The following RYR2 variants were observed in gnomAD, a reference collection of about 807,000 sequenced individuals.
The protein encoded by RYR2 is ryanodine receptor 2.
RYR2 carries 227 observed loss-of-function variants against 601.1 expected under a neutral mutation model. The observed-to-expected ratio is 0.38, with a 90% confidence interval of 0.34 to 0.42. RYR2 has a LOEUF of 0.42. RYR2 is among the 10% of genes least tolerant of loss of function. RYR2 has a pLI of 1.00. For missense variants in RYR2, 4,646 were observed against 6,156.5 expected (o/e 0.75, Z 8.21); for synonymous variants, 2,223 against 2,175.1 (o/e 1.02, Z -0.61).
intron 56 of RYR2, among the ~76,000 whole-genome samples, chr1:237,662,642 A>G (rs926352777): frequency 6.6e-6 from 1 of 152,222 alleles, no homozygotes; most frequent in African/African-American, 2.4e-5. Context: ...TATATTTTAT[A>G]TCACTCCTCT....
At chr1:237,598,170 A>G (rs1676087358) in intron 34 of RYR2, among the ~76,000 whole-genome samples, 1 of 152,234 alleles carries the variant, frequency 6.6e-6, no homozygotes, top group African/African-American at 2.4e-5. Context: ...TATATGAAGT[A>G]TGTTTTATCT....
At chr1:237,611,987 C>G (rs1407113574) in intron 36 of RYR2, among the ~76,000 whole-genome samples, 2 of 151,888 alleles carry the variant, frequency 1.3e-5, no homozygotes, top group African/African-American at 4.8e-5. Flanking sequence ...TTCATAGAAG[C>G]ATTATGAACA....
chr1:237,060,607 C>G (rs1451178964), intron 1 of RYR2, among the ~76,000 whole-genome samples: 5 of 152,166 alleles, frequency 3.3e-5, no homozygotes, highest in Admixed American at 3.3e-4. Flanking sequence ...ACTCTATGGA[C>G]TTCTAGAAAA....
intron 49 of RYR2, among the ~76,000 whole-genome samples, chr1:237,648,816 A>G (rs1025655626): frequency 2.6e-5 from 4 of 152,230 alleles, no homozygotes; most frequent in Non-Finnish European, 4.4e-5. Flanking sequence ...GACAACCTCA[A>G]GAAACTTCCC....
At chr1:237,064,555 T>C (rs1484607462) in intron 1 of RYR2, among the ~76,000 whole-genome samples, 2 of 151,828 alleles carry the variant, frequency 1.3e-5, no homozygotes, top group African/African-American at 2.4e-5. Context: ...GATATAGAGG[T>C]TCTAGATGAT....
Position 237,714,641 on chromosome 1 carries a change from GAGAC to G in RYR2, c.10324-2553_10324-2550del, listed in dbSNP as rs574209602. ...TATTTGTATGTTTGTGGGTGTGTGAGAGACAGAGATAGAGAGGAGGCAGAAGCAG... is the reference window on the plus strand; with the variant it reads ...TATTTGTATGTTTGTGGGTGTGTGAGAGAGATAGAGAGGAGGCAGAAGCAG... On this transcript the variant is annotated intron_variant, in intron 71 of 104. Coordinates refer to ENST00000366574, the MANE Select transcript of RYR2 (RefSeq NM_001035.3). Among the ~76,000 whole-genome samples, 13 of 152,218 alleles carry G rather than the reference GAGAC, an allele frequency of 8.5e-5. No homozygotes were observed. The East Asian group carries it at 1.7e-3, about 20-fold the overall frequency.
chr1:237,788,899 G>A (rs938192306), intron 92 of RYR2, among the ~76,000 whole-genome samples: 6 of 151,860 alleles, frequency 4.0e-5, no homozygotes, highest in African/African-American at 7.3e-5. Context: ...AATGTCACAT[G>A]TATACACATA....
intron 4 of RYR2, among the ~76,000 whole-genome samples, chr1:237,357,333 A>T (rs1475494362): frequency 6.6e-6 from 1 of 152,028 alleles, no homozygotes; most frequent in Admixed American, 6.6e-5. Flanking sequence ...CACGTATGAC[A>T]CCTCTTTGTC....
At chr1:237,207,799 A>T (rs1014718174) in intron 1 of RYR2, among the ~76,000 whole-genome samples, 2 of 152,238 alleles carry the variant, frequency 1.3e-5, no homozygotes, top group African/African-American at 4.8e-5. Context: ...CCTGGCACAT[A>T]ACTGCAAAAC....
At chr1:237,122,987 A>G (rs1156974910) in intron 1 of RYR2, among the ~76,000 whole-genome samples, 1 of 152,236 alleles carries the variant, frequency 6.6e-6, no homozygotes, top group Non-Finnish European at 1.5e-5. Flanking sequence ...TTGAAGTTAT[A>G]TAGTTAGCAA....
chr1:237,603,800 C>T (rs1676786664), intron 35 of RYR2, among the ~76,000 whole-genome samples: 1 of 152,078 alleles, frequency 6.6e-6, no homozygotes, highest in Non-Finnish European at 1.5e-5. Context: ...GACTTTAAAC[C>T]AACAAAGATC....
intron 3 of RYR2, among the ~76,000 whole-genome samples, chr1:237,340,896 C>T (rs1351731107): frequency 6.6e-6 from 1 of 152,210 alleles, no homozygotes. Flanking sequence ...ATCCATCTGT[C>T]ACTTAGGTGA....
At chr1:237,132,713 A>G (rs1672292877) in intron 1 of RYR2, among the ~76,000 whole-genome samples, 2 of 152,202 alleles carry the variant, frequency 1.3e-5, no homozygotes, top group Non-Finnish European at 1.5e-5. Context: ...AGTATTTTTT[A>G]TCAGGAAAAA....
chr1:237,608,989 TTCTC>T (rs1024278682), intron 35 of RYR2, among the ~76,000 whole-genome samples: 22 of 151,390 alleles, frequency 1.5e-4, no homozygotes, highest in African/African-American at 5.1e-4. Flanking sequence ...CCTTTCTTCT[TTCTC>T]TCTTCTTCTC....
rs375241741 is a variant in RYR2 at position 237,152,098 on chromosome 1, T to C, written c.48+109529T>C. On this transcript the variant is annotated intron_variant, in intron 1 of 104. Coordinates refer to ENST00000366574, the MANE Select transcript of RYR2 (RefSeq NM_001035.3). ...CAGCTCCCACTTATGAGCGAGAACA[T>C]GCGGTGTTTGGTTTTCTGTTCCTGT... is the stretch of plus-strand genomic sequence containing the variant. 8.4e-4 allele frequency among the ~76,000 whole-genome samples: 128 copies of C among 152,236 alleles called. 1 individual carries two copies. The highest frequency in any genetic ancestry group is 3.0e-3 in the African/African-American group (126 of 41,552).
At chr1:237,064,882 T>C (rs868138659) in intron 1 of RYR2, among the ~76,000 whole-genome samples, 192 of 152,094 alleles carry the variant, frequency 1.3e-3, no homozygotes, top group African/African-American at 4.6e-3. Context: ...TCAAATAATC[T>C]TCTACTTAAA....
intron 11 of RYR2, among the ~76,000 whole-genome samples, chr1:237,417,546 A>G (rs1045249722): frequency 2.6e-5 from 4 of 152,228 alleles, no homozygotes; most frequent in Non-Finnish European, 5.9e-5. Context: ...TACATTTAAA[A>G]CAGGAAACTT....
In RYR2 at chr1:237,180,710, A is replaced by ATAG. The variant is rs1678640012; in HGVS notation, c.49-89787_49-89786insTAG. On this transcript the variant is annotated intron_variant, in intron 1 of 104. Transcript: ENST00000366574. The surrounding 1 kb of genome is among the most constrained non-coding windows in gnomAD (Gnocchi z 5.3). ...TATATGTATATATAAGTATATATACACATATATACATATACATAGATATAT... is the reference window on the plus strand; with the variant it reads ...TATATGTATATATAAGTATATATACATAGCATATATACATATACATAGATATAT... Among the ~76,000 whole-genome samples the ATAG allele has an allele frequency of 6.8e-6, 1 of 147,848 alleles. No homozygotes were observed. The highest frequency in any genetic ancestry group is 1.5e-5 in the Non-Finnish European group (1 of 67,232).
At chr1:237,569,046 T>G in intron 28 of RYR2, 99 bp from the exon 29 acceptor site, 1 of 1,010,736 alleles carries the variant, frequency 9.9e-7, no homozygotes, top group Non-Finnish European at 1.4e-6. Context: ...TACTGTTGTG[T>G]TGATAGAAGG....
Sources: allele counts gnomAD v4.1 joint callset (sites outside exome capture counted in the v4.1 genomes callset), GRCh38; gene constraint gnomAD v4.1.1; non-coding constraint Gnocchi (gnomAD v3.1); transcripts MANE v1.5; gene names NCBI Gene and HGNC (gene_info 2026-07-23, HGNC 2026-07-21).